Variants in RIT2 observed in about 807,000 individuals in gnomAD.
The protein encoded by RIT2 is Ras like without CAAX 2, also known as GTP-binding protein Rit2.
In RIT2, 24 loss-of-function variants were observed where a neutral mutation model predicts 23.7. The ratio of observed to expected loss-of-function variants is 1.01; its 90% confidence interval spans 0.73 to 1.43. The LOEUF (loss-of-function observed/expected upper bound fraction) is 1.43. Ranked by LOEUF, RIT2 falls within the 40% of genes most tolerant of loss-of-function variation. The pLI is 0.00. For synonymous variants in RIT2, 107 were observed against 91.1 expected (o/e 1.17, Z -0.99); for missense variants, 236 against 266.9 (o/e 0.88, Z 0.81).
intron 1 of RIT2, among the ~76,000 whole-genome samples, chr18:43,085,256 T>A (rs943189572): frequency 6.6e-6 from 1 of 152,256 alleles, no homozygotes; most frequent in East Asian, 1.9e-4. Context: ...TGGGGTACAA[T>A]GTGATATTTT....
chr18:42,951,089 T>C (rs1376736859), intron 3 of RIT2, among the ~76,000 whole-genome samples: 2 of 151,944 alleles, frequency 1.3e-5, no homozygotes, highest in Non-Finnish European at 2.9e-5. Flanking sequence ...AGGAAACAAA[T>C]CTTTCTACCA....
chr18:42,768,606 G>T (rs1170279937), intron 4 of RIT2, among the ~76,000 whole-genome samples: 1 of 152,018 alleles, frequency 6.6e-6, no homozygotes, highest in African/African-American at 2.4e-5. Flanking sequence ...TGTTTTTATT[G>T]TTCCTTTAAT....
chr18:42,786,538 A>G (rs1386775006), intron 4 of RIT2, among the ~76,000 whole-genome samples: 1 of 152,200 alleles, frequency 6.6e-6, no homozygotes, highest in Non-Finnish European at 1.5e-5. Context: ...ATGTATACTT[A>G]CTTAAATGGC....
chr18:42,909,319 G>A (rs753577075), intron 4 of RIT2, among the ~76,000 whole-genome samples: 34 of 152,018 alleles, frequency 2.2e-4, no homozygotes, highest in Non-Finnish European at 3.5e-4. Flanking sequence ...GAGGACTCAC[G>A]GGTTGGACTT....
chr18:42,814,204 C>T (rs1016233796), intron 4 of RIT2, among the ~76,000 whole-genome samples: 3 of 152,162 alleles, frequency 2.0e-5, no homozygotes, highest in South Asian at 2.1e-4. Context: ...TGGAACTGAT[C>T]GAGAAGTCTC....
chr18:42,935,870 A>G (rs1909442464), intron 3 of RIT2, among the ~76,000 whole-genome samples: 1 of 152,044 alleles, frequency 6.6e-6, no homozygotes, highest in African/African-American at 2.4e-5. Context: ...CGGATTGGCT[A>G]TCCACTATGC....
intron 3 of RIT2, among the ~76,000 whole-genome samples, chr18:42,947,783 A>T (rs753253192): frequency 6.6e-6 from 1 of 152,130 alleles, no homozygotes; most frequent in Non-Finnish European, 1.5e-5. Flanking sequence ...GCAAATGGGT[A>T]TTGATATAGA....
rs542428231 is a variant in RIT2, at chr18:43,006,424, GA to G, written c.160+27386del. Among the ~76,000 whole-genome samples the G allele has an allele frequency of 3.4e-3, 510 of 151,754 alleles. 7 individuals carry two copies. The highest frequency in any genetic ancestry group is 0.012 in the African/African-American group (489 of 41,490). On this transcript the variant is annotated intron_variant, in intron 2 of 4. Transcript: ENST00000326695. ...ACAGGACAGTTCACCAAACATTTGA[GA>G]ATGTTACCCAGTGTTTTTTAAATGA... is the stretch of plus-strand genomic sequence containing the variant.
chr18:42,935,137 CA>C (rs1909420454), intron 3 of RIT2, among the ~76,000 whole-genome samples: 1 of 152,146 alleles, frequency 6.6e-6, no homozygotes, highest in Non-Finnish European at 1.5e-5. Context: ...CTTTCCCCTA[CA>C]TTATCAGTTA....
chr18:42,791,987 C>G (rs1173057451), intron 4 of RIT2, among the ~76,000 whole-genome samples: 1 of 152,048 alleles, frequency 6.6e-6, no homozygotes, highest in African/African-American at 2.4e-5. Flanking sequence ...AAAATGTGTT[C>G]TTTTTTACTG....
intron 3 of RIT2, among the ~76,000 whole-genome samples, chr18:42,953,087 A>C (rs956296837): frequency 1.3e-5 from 2 of 150,022 alleles, no homozygotes; most frequent in Non-Finnish European, 3.0e-5. Context: ...AGTCTCATTC[A>C]TTTGTTTATT....
chr18:43,058,857 C>A (rs1912571987), intron 1 of RIT2, among the ~76,000 whole-genome samples: 1 of 152,010 alleles, frequency 6.6e-6, no homozygotes, highest in African/African-American at 2.4e-5. Flanking sequence ...CCACTGCACT[C>A]CAGCCTAAGG....
chr18:42,996,517 C>T (rs1159061983), intron 2 of RIT2, among the ~76,000 whole-genome samples: 1 of 152,044 alleles, frequency 6.6e-6, no homozygotes, highest in Admixed American at 6.6e-5. Flanking sequence ...ATGAAAATGG[C>T]CTGTTTCTGC....
At chr18:42,765,126 G>T (rs893791236) in intron 4 of RIT2, among the ~76,000 whole-genome samples, 1 of 152,170 alleles carries the variant, frequency 6.6e-6, no homozygotes, top group Non-Finnish European at 1.5e-5. Context: ...TTTGCAAATT[G>T]GTAGGGTGAA....
intron 1 of RIT2, among the ~76,000 whole-genome samples, chr18:43,099,491 TA>T (rs889467176): frequency 6.6e-6 from 1 of 151,566 alleles, no homozygotes; most frequent in African/African-American, 2.4e-5. Context: ...GTTAATATAA[TA>T]AAAAATAATA....
chr18:42,778,637 C>G (rs550684279), intron 4 of RIT2, among the ~76,000 whole-genome samples: 3 of 152,178 alleles, frequency 2.0e-5, no homozygotes, highest in Non-Finnish European at 4.4e-5. Flanking sequence ...AGGCCAGCAA[C>G]TCTGCAGTCA....
chr18:42,857,527 C>T (rs1046212384), intron 4 of RIT2, among the ~76,000 whole-genome samples: 1 of 152,144 alleles, frequency 6.6e-6, no homozygotes, highest in Non-Finnish European at 1.5e-5. Context: ...AAATAAATTA[C>T]TAAAAATACC....
chr18:42,881,165 A>T (rs1222482739), intron 4 of RIT2, among the ~76,000 whole-genome samples: 2 of 152,102 alleles, frequency 1.3e-5, no homozygotes, highest in Non-Finnish European at 2.9e-5. Context: ...TTGTAAACTC[A>T]CTGTTAATGG....
At chr18:42,934,924 C>T (rs1270162520) in intron 3 of RIT2, among the ~76,000 whole-genome samples, 3 of 151,870 alleles carry the variant, frequency 2.0e-5, no homozygotes, top group African/African-American at 7.3e-5. Flanking sequence ...CATTGGAAAA[C>T]AAAATGATGG....
Sources: allele counts gnomAD v4.1 joint callset (sites outside exome capture counted in the v4.1 genomes callset), GRCh38; gene constraint gnomAD v4.1.1; transcripts MANE v1.5; gene names NCBI Gene and HGNC (gene_info 2026-07-23, HGNC 2026-07-21).